CFAP20DC: variants seen among roughly 807,000 people sequenced by gnomAD.
The protein encoded by CFAP20DC is CFAP20 domain containing.
In CFAP20DC, 84 loss-of-function variants were observed where a neutral mutation model predicts 101.7. The ratio of observed to expected loss-of-function variants is 0.83; its 90% confidence interval spans 0.69 to 0.99. The LOEUF (loss-of-function observed/expected upper bound fraction) is 0.99, where lower values mean the gene tolerates loss of function less well. Ranked by LOEUF, CFAP20DC falls within the 50% of genes least tolerant of loss-of-function variation. The pLI is 0.00. For synonymous variants in CFAP20DC, 359 were observed against 351.2 expected (o/e 1.02, Z -0.25); for missense variants, 1,007 against 970.3 (o/e 1.04, Z -0.50).
intron 16 of CFAP20DC, among the ~76,000 whole-genome samples, chr3:58,744,306 C>G (rs145595930): frequency 7.3e-4 from 111 of 152,280 alleles, no homozygotes; most frequent in Non-Finnish European, 1.1e-3. Flanking sequence ...GGGACACTCT[C>G]AGTTTCCAGA....
intron 4 of CFAP20DC, among the ~76,000 whole-genome samples, chr3:59,037,282 G>T (rs1011035044): frequency 1.6e-4 from 25 of 152,148 alleles, no homozygotes; most frequent in Middle Eastern, 3.4e-3. Context: ...TTGACAAATG[G>T]GATCTAATTA....
chr3:58,956,957 C>T (rs1040515625), intron 4 of CFAP20DC, among the ~76,000 whole-genome samples: 1 of 152,144 alleles, frequency 6.6e-6, no homozygotes, highest in South Asian at 2.1e-4. Context: ...CTGTCTCCAC[C>T]TGGTCCCTCC....
chr3:59,031,570 A>C (rs2093995625), intron 4 of CFAP20DC, among the ~76,000 whole-genome samples: 1 of 152,204 alleles, frequency 6.6e-6, no homozygotes, highest in Non-Finnish European at 1.5e-5. Flanking sequence ...TGTTACTCTA[A>C]GAGCTATTTT....
chr3:58,949,902 T>C (rs1355871971), intron 4 of CFAP20DC, among the ~76,000 whole-genome samples: 1 of 152,126 alleles, frequency 6.6e-6, no homozygotes, highest in Non-Finnish European at 1.5e-5. Flanking sequence ...TTCAACATAG[T>C]GTTGGAAGTT....
chr3:58,785,112 C>A (rs1457557081), intron 15 of CFAP20DC, among the ~76,000 whole-genome samples: 1 of 151,936 alleles, frequency 6.6e-6, no homozygotes, highest in South Asian at 2.1e-4. Flanking sequence ...TGGCTGAATA[C>A]TATTATTGTC....
intron 6 of CFAP20DC, among the ~76,000 whole-genome samples, chr3:58,895,441 T>C (rs1393165801): frequency 1.3e-5 from 2 of 152,210 alleles, no homozygotes; most frequent in African/African-American, 4.8e-5. Flanking sequence ...CCAGTCTCTT[T>C]GCTAAAACAT....
At chr3:58,783,422 AATAGGACTAT>A (rs1228888951) in intron 15 of CFAP20DC, among the ~76,000 whole-genome samples, 1 of 152,092 alleles carries the variant, frequency 6.6e-6, no homozygotes, top group African/African-American at 2.4e-5. Context: ...AAAATAGATA[AATAGGACTAT>A]ATTAAATAAA....
intron 10 of CFAP20DC, 31 bp downstream of exon 10, chr3:58,867,786 G>A: frequency 6.2e-7 from 1 of 1,612,410 alleles, no homozygotes; most frequent in South Asian, 1.1e-5. Context: ...ATAATATACA[G>A]ATATAAGATA....
intron 3 of CFAP20DC, among the ~76,000 whole-genome samples, chr3:59,043,305 AT>A (rs1560042791): frequency 6.6e-6 from 1 of 152,132 alleles, no homozygotes; most frequent in Non-Finnish European, 1.5e-5. Context: ...GAACAGTGAA[AT>A]GGGAAGAAAA....
At chr3:59,021,133 C>A (rs2093795502) in intron 4 of CFAP20DC, among the ~76,000 whole-genome samples, 1 of 151,998 alleles carries the variant, frequency 6.6e-6, no homozygotes, top group Non-Finnish European at 1.5e-5. Flanking sequence ...GTTCAATAAA[C>A]CCAACCATTC....
Position 58,842,303 on chromosome 3 carries a change from T to G in CFAP20DC, c.1971+6729A>C, listed in dbSNP as rs562007002. On this transcript the variant is annotated intron_variant, in intron 13 of 16. Transcript: ENST00000482387. The stretch of plus-strand genomic sequence containing the variant: ...CAGACAGTGGGCGCAGGCCAGTGGG[T>G]GCGCGCACCGTGCGCGAGCTGAAGC... Among the ~76,000 whole-genome samples, 6 of 152,130 alleles carry G rather than the reference T, an allele frequency of 3.9e-5. No individual in the cohort carries two copies. The East Asian group carries it at 1.2e-3, about 29-fold the overall frequency.
chr3:58,753,937 G>A (rs2107263161), intron 15 of CFAP20DC, 74 bp from the exon 16 acceptor site: 2 of 958,548 alleles, frequency 2.1e-6, no homozygotes, highest in South Asian at 3.2e-5. Context: ...TGGATTTTCA[G>A]TTCCTTGGGG....
At chr3:58,963,679 G>A (rs1452691126) in intron 4 of CFAP20DC, among the ~76,000 whole-genome samples, 1 of 152,038 alleles carries the variant, frequency 6.6e-6, no homozygotes, top group Non-Finnish European at 1.5e-5. Flanking sequence ...AGTAATGTAT[G>A]CTCATTTTGG....
rs1466415907 is a variant in CFAP20DC, at chr3:58,971,996, T to C, written c.279-34234A>G. Among the ~76,000 whole-genome samples, 3 of 152,142 alleles carry C rather than the reference T, an allele frequency of 2.0e-5. No individual in the cohort carries two copies. Among genetic ancestry groups the C allele is most frequent in the East Asian group, 3.8e-4 (2 of 5,200 alleles). ...ATAGGTGTGGATTACTTTAATTCTG[T>C]ATGCAATTTTAAAATGGCAGAGTTT... On this transcript the variant is annotated intron_variant, in intron 4 of 16. Coordinates refer to ENST00000482387, the MANE Select transcript of CFAP20DC (RefSeq NM_001394063.1). This position sits in a 1 kb window ranked among gnomAD's most constrained non-coding sequence, Gnocchi z 4.1.
In CFAP20DC at chr3:58,868,736, T is replaced by C. The variant is rs984524630; in HGVS notation, c.1015+592A>G. On this transcript the variant is annotated intron_variant, in intron 9 of 16. Coordinates refer to ENST00000482387, the MANE Select transcript of CFAP20DC (RefSeq NM_001394063.1). This position sits in a 1 kb window ranked among gnomAD's most constrained non-coding sequence, Gnocchi z 4.6. Reference sequence around the variant, plus strand: ...GTAAATAATATAAAATGAACTTAAATGTCCTCCCTTTTCAACTCTCAGTAA... The same window carrying C: ...GTAAATAATATAAAATGAACTTAAACGTCCTCCCTTTTCAACTCTCAGTAA... Among the ~76,000 whole-genome samples, 4 of 152,164 alleles carry C rather than the reference T, an allele frequency of 2.6e-5. No individual in the cohort carries two copies. Among genetic ancestry groups the C allele is most frequent in the Admixed American group, 6.5e-5 (1 of 15,272 alleles).
chr3:59,037,062 G>C (rs1183246288), intron 4 of CFAP20DC, among the ~76,000 whole-genome samples: 1 of 152,042 alleles, frequency 6.6e-6, no homozygotes, highest in African/African-American at 2.4e-5. Flanking sequence ...ATGGAGTTGG[G>C]AAACTGGATA....
Position 58,899,825 on chromosome 3 carries a change from G to T in CFAP20DC, c.550+13883C>A, listed in dbSNP as rs1460493197. On this transcript the variant is annotated intron_variant, in intron 6 of 16. Transcript: ENST00000482387. The surrounding 1 kb of genome is among the most constrained non-coding windows in gnomAD (Gnocchi z 5.0). ...GCTGTTTGCCTAGTCAGTAATGTGA[G>T]AACCTGGATATTTCAGCTGAGGGTG... Among the ~76,000 whole-genome samples the T allele has an allele frequency of 2.0e-5, 3 of 152,160 alleles. No individual in the cohort carries two copies. Among genetic ancestry groups the T allele is most frequent in the Non-Finnish European group, 4.4e-5 (3 of 68,028 alleles).
chr3:58,895,032 A>G (rs552419346), intron 6 of CFAP20DC, among the ~76,000 whole-genome samples: 2 of 152,328 alleles, frequency 1.3e-5, no homozygotes, highest in Admixed American at 1.3e-4. Context: ...GCTGCACACA[A>G]CATGGTGACC....
In CFAP20DC at chr3:58,863,345, A is replaced by G; in HGVS notation, c.1593+213T>C. The G allele has an allele frequency of 2.8e-6, 4 of 1,416,342 alleles. No homozygotes were observed. The highest frequency in any genetic ancestry group is 3.7e-6 in the Non-Finnish European group (4 of 1,092,354). 87.7% of individuals were successfully genotyped at this position (1,416,342 alleles called of 1,614,324 possible). Reference sequence around the variant, plus strand: ...AACCCAAAACTGGTTTCTATAAGTAAAAGTGAAATTGGCTGACTGTTAATT... The same window carrying G: ...AACCCAAAACTGGTTTCTATAAGTAGAAGTGAAATTGGCTGACTGTTAATT... On this transcript the variant is annotated intron_variant, in intron 12 of 16. Coordinates refer to ENST00000482387, the MANE Select transcript of CFAP20DC (RefSeq NM_001394063.1). This position sits in a 1 kb window ranked among gnomAD's most constrained non-coding sequence, Gnocchi z 5.9.
Sources: allele counts gnomAD v4.1 joint callset (sites outside exome capture counted in the v4.1 genomes callset), GRCh38; gene constraint gnomAD v4.1.1; non-coding constraint Gnocchi (gnomAD v3.1); transcripts MANE v1.5; gene names NCBI Gene and HGNC (gene_info 2026-07-23, HGNC 2026-07-21).